The following HECW2 variants were observed in gnomAD, a reference collection of about 807,000 sequenced individuals.
HECW2 encodes E3 ubiquitin-protein ligase HECW2.
In HECW2, 61 loss-of-function variants were observed where a neutral mutation model predicts 175.2. The observed-to-expected ratio is 0.35, with a 90% CI of 0.28 to 0.43. HECW2 has a LOEUF of 0.43. Among genes scored for constraint, HECW2 ranks in the 20% least tolerant of loss-of-function variants. The pLI, the probability that HECW2 is intolerant of heterozygous loss-of-function variation, is 1.00. For synonymous variants in HECW2, 671 were observed against 731.0 expected, an observed-to-expected ratio of 0.92 and a Z score of 1.32; for missense variants, 1,524 against 2,000.5, an observed-to-expected ratio of 0.76 and a Z score of 4.54.
chr2:196,388,851 A>G (rs1397074625), intron 2 of HECW2, among the ~76,000 whole-genome samples: 1 of 152,168 alleles, frequency 6.6e-6, no homozygotes, highest in Admixed American at 6.5e-5. Context: ...CTTCTCAGAC[A>G]CCAGAGTCAC....
intron 2 of HECW2, among the ~76,000 whole-genome samples, chr2:196,378,463 A>G (rs1379980263): frequency 2.0e-5 from 3 of 152,212 alleles, no homozygotes; most frequent in African/African-American, 7.2e-5. Context: ...ATATTTTCAA[A>G]ACCCTGCAAT....
At chr2:196,232,742 T>C (rs2105854388) in intron 21 of HECW2, among the ~76,000 whole-genome samples, 1 of 152,356 alleles carries the variant, frequency 6.6e-6, no homozygotes, top group South Asian at 2.1e-4. Context: ...GTTCCCTTTT[T>C]ATGATGATAG....
chr2:196,231,494 T>TATA (rs1181790937), intron 21 of HECW2, among the ~76,000 whole-genome samples: 1 of 152,186 alleles, frequency 6.6e-6, no homozygotes, highest in Non-Finnish European at 1.5e-5. Flanking sequence ...GGTTTGTAAA[T>TATA]AAAGTGTTAC....
At chr2:196,553,399 A>G (rs1299479681) in intron 1 of HECW2, among the ~76,000 whole-genome samples, 2 of 152,232 alleles carry the variant, frequency 1.3e-5, no homozygotes, top group Admixed American at 6.5e-5. Flanking sequence ...TCAAATATAC[A>G]TGGAGCACCA....
At chr2:196,442,490 G>C (rs563358912) in intron 1 of HECW2, among the ~76,000 whole-genome samples, 2 of 152,236 alleles carry the variant, frequency 1.3e-5, no homozygotes, top group African/African-American at 4.8e-5. Context: ...TGCCAGCAAA[G>C]AGTTATAAAA....
chr2:196,206,791 C>A (rs1687084251), intron 28 of HECW2, among the ~76,000 whole-genome samples: 1 of 152,104 alleles, frequency 6.6e-6, no homozygotes, highest in African/African-American at 2.4e-5. Flanking sequence ...AATTGTGAGC[C>A]CTAGCTGCAG....
intron 1 of HECW2, among the ~76,000 whole-genome samples, chr2:196,497,938 C>A (rs184556921): frequency 2.0e-4 from 31 of 152,334 alleles, no homozygotes; most frequent in African/African-American, 6.0e-4. Context: ...ATGTGGCTGT[C>A]CACACTTTGT....
At chr2:196,247,393 GGAA>G (rs1275536113) in intron 19 of HECW2, among the ~76,000 whole-genome samples, 6 of 152,172 alleles carry the variant, frequency 3.9e-5, no homozygotes, top group African/African-American at 1.4e-4. Context: ...AAATGTTCTT[GGAA>G]GATTGCGCTA....
chr2:196,204,717 G>C (rs1687006366), intron 28 of HECW2, among the ~76,000 whole-genome samples: 1 of 152,198 alleles, frequency 6.6e-6, no homozygotes, highest in Admixed American at 6.5e-5. Flanking sequence ...TTTTGCATCA[G>C]TAGAACCAGT....
At chr2:196,471,992 A>AAC (rs1379778359) in intron 1 of HECW2, among the ~76,000 whole-genome samples, 1 of 151,820 alleles carries the variant, frequency 6.6e-6, no homozygotes, top group Non-Finnish European at 1.5e-5. Context: ...AAAAAAAAAA[A>AAC]AGAAAAGCAA....
chr2:196,512,488 C>T (rs1479607674), intron 1 of HECW2, among the ~76,000 whole-genome samples: 13 of 152,066 alleles, frequency 8.5e-5, no homozygotes, highest in Admixed American at 8.5e-4. Flanking sequence ...AGCTCTCAGG[C>T]TCAAGCAGTC....
chr2:196,455,251 C>G (rs148464449), intron 1 of HECW2, among the ~76,000 whole-genome samples: 1,772 of 152,286 alleles, frequency 0.012, 40 homozygotes, highest in African/African-American at 0.041. Flanking sequence ...CCAGGATGGT[C>G]TCGATCTCCT....
intron 2 of HECW2, among the ~76,000 whole-genome samples, chr2:196,406,936 C>T (rs1263971434): frequency 2.0e-5 from 3 of 152,216 alleles, no homozygotes; most frequent in Admixed American, 6.5e-5. Context: ...ACTTGAAATA[C>T]TATCTGACAT....
In HECW2 at chr2:196,433,449, G is replaced by T; in HGVS notation, c.-26C>A. The T allele has an allele frequency of 6.2e-7, 1 of 1,601,132 alleles. No homozygotes were observed. Among genetic ancestry groups the T allele is most frequent in the Non-Finnish European group, 8.5e-7 (1 of 1,173,562 alleles). On this transcript the variant is annotated 5_prime_UTR_variant, in exon 2 of 29. Coordinates refer to ENST00000644978, the MANE Select transcript of HECW2 (RefSeq NM_001348768.2). ...CCCGTCTGCTTCTCTGGGATTGGCT[G>T]CCTACAAAGCTGCAAGAGACAGATA...
Position 196,319,792 on chromosome 2 carries a change from C to T in HECW2, c.1098G>A (p.Val366=), listed in dbSNP as rs1295705212. The T allele has an allele frequency of 1.2e-6, 2 of 1,614,226 alleles. No individual in the cohort carries two copies. Among genetic ancestry groups the T allele is most frequent in the Admixed American group, 3.3e-5 (2 of 60,024 alleles). Reference sequence around the variant, plus strand: ...CCTCAGAAACTGGCCCATTAGAGCACACCTGGCTGTCGTGATGGCTCCCTG... The same window carrying T: ...CCTCAGAAACTGGCCCATTAGAGCATACCTGGCTGTCGTGATGGCTCCCTG... ...DMPGSHHDSQ[V]CSNGPVSEDS... is the part of the protein sequence containing the mutation. Residue 366 remains valine, a synonymous_variant, in exon 9 of 29, where the codon GTG becomes GTA. Transcript: ENST00000644978.
At chr2:196,331,844 G>C (rs1464232414) in intron 4 of HECW2, among the ~76,000 whole-genome samples, 2 of 152,100 alleles carry the variant, frequency 1.3e-5, no homozygotes, top group Non-Finnish European at 2.9e-5. Flanking sequence ...AGGGATATTA[G>C]GGATAATAAA....
At chr2:196,525,120 T>C (rs1688587772) in intron 1 of HECW2, among the ~76,000 whole-genome samples, 1 of 144,614 alleles carries the variant, frequency 6.9e-6, no homozygotes, top group Admixed American at 6.8e-5. Context: ...CTAAGTCTCT[T>C]TGTAGGTCAC....
chr2:196,470,717 C>CA (rs1317128178), intron 1 of HECW2, among the ~76,000 whole-genome samples: 1 of 151,796 alleles, frequency 6.6e-6, no homozygotes, highest in African/African-American at 2.4e-5. Context: ...AGTACATGAC[C>CA]AAAAAATAGA....
intron 1 of HECW2, among the ~76,000 whole-genome samples, chr2:196,512,950 C>T (rs1218682834): frequency 6.6e-6 from 1 of 152,140 alleles, no homozygotes; most frequent in Non-Finnish European, 1.5e-5. Flanking sequence ...CCTCAGCCTC[C>T]CAAAGTGCTG....
Sources: allele counts gnomAD v4.1 joint callset (sites outside exome capture counted in the v4.1 genomes callset), GRCh38; gene constraint gnomAD v4.1.1; transcripts MANE v1.5; gene names NCBI Gene and HGNC (gene_info 2026-07-23, HGNC 2026-07-21).